The following PLEKHG4B variants were observed in gnomAD, a reference collection of about 807,000 sequenced individuals.
PLEKHG4B encodes pleckstrin homology domain-containing family G member 4B.
PLEKHG4B carries 111 observed loss-of-function variants against 121.3 expected under a neutral mutation model. The ratio of observed to expected loss-of-function variants is 0.92; its 90% CI spans 0.78 to 1.07. PLEKHG4B has a LOEUF of 1.07. Ranked by LOEUF, PLEKHG4B falls within the 50% of genes least tolerant of loss-of-function variation. The pLI, the probability that PLEKHG4B is intolerant of heterozygous loss-of-function variation, is 0.00. For synonymous variants in PLEKHG4B, 738 were observed against 725.0 expected (o/e 1.02, Z -0.29); for missense variants, 1,831 against 1,757.8 (o/e 1.04, Z -0.74).
At position 143,492 on chromosome 5, in the gene PLEKHG4B, TAGCATCCCC is replaced by T. The variant is rs1453535066; in HGVS notation, c.1803_1811del (p.Ser601_Pro603del). 6.2e-7 allele frequency: 1 copy of T among 1,612,616 alleles called. No individual in the cohort carries two copies. On this transcript the variant is annotated inframe_deletion and splice_region_variant, in exon 5 of 20. Transcript: ENST00000637938. The stretch of plus-strand genomic sequence containing the variant: ...TGACCCGCCTGCTGCTGTACTTCCA[TAGCATCCCC>T]AGGTGGGACGGGGGGCAAGGCCGCA...
chr5:148,539 T>C (rs532257642), intron 6 of PLEKHG4B, among the ~76,000 whole-genome samples: 191 of 152,216 alleles, frequency 1.3e-3, no homozygotes, highest in Non-Finnish European at 2.2e-3. Context: ...AAAGACTTTT[T>C]CACTGAAAAC....
chr5:138,770 A>G (rs1356741439), intron 2 of PLEKHG4B, among the ~76,000 whole-genome samples: 1 of 152,250 alleles, frequency 6.6e-6, no homozygotes, highest in Non-Finnish European at 1.5e-5. Context: ...CTAGGCCCCA[A>G]GATGTTTACT....
intron 2 of PLEKHG4B, among the ~76,000 whole-genome samples, chr5:121,731 A>G (rs1560908258): frequency 6.6e-6 from 1 of 152,170 alleles, no homozygotes; most frequent in African/African-American, 2.4e-5. Flanking sequence ...AAAAAATTCT[A>G]TATCCAGCAA....
In PLEKHG4B at chr5:188,733, G is replaced by A. The variant is rs1038886094; in HGVS notation, c.*6410G>A. ...ACGCCCCGTCTGGCTGGGACCTGGA[G>A]CTCCCCTCAAGCTGCAGATCCACTC... On this transcript the variant is annotated 3_prime_UTR_variant, in exon 20 of 20. Transcript: ENST00000637938. 1.3e-5 allele frequency: 2 copies of A among 152,266 alleles called. No homozygotes were observed. Among genetic ancestry groups the A allele is most frequent in the African/African-American group, 4.8e-5 (2 of 41,462 alleles). The allele number at this position is 152,266 out of a possible 1,614,324, so 9.4% of individuals were successfully genotyped here.
At chr5:141,538 G>A (rs944341885) in intron 3 of PLEKHG4B, among the ~76,000 whole-genome samples, 5 of 150,882 alleles carry the variant, frequency 3.3e-5, no homozygotes, top group African/African-American at 7.3e-5. Flanking sequence ...CGCTGGATTC[G>A]GGGCCCCTCT....
chr5:119,792 A>G (rs1051499165), intron 2 of PLEKHG4B, among the ~76,000 whole-genome samples: 2 of 152,236 alleles, frequency 1.3e-5, no homozygotes, highest in African/African-American at 4.8e-5. Flanking sequence ...AGGAGAAATC[A>G]GCAAAATTTA....
At chr5:136,482 G>A (rs998173808) in intron 2 of PLEKHG4B, among the ~76,000 whole-genome samples, 7 of 152,126 alleles carry the variant, frequency 4.6e-5, no homozygotes, top group East Asian at 1.9e-4. Context: ...CAAAAATAAC[G>A]CAAATCAAAA....
intron 7 of PLEKHG4B, among the ~76,000 whole-genome samples, chr5:152,047 A>G (rs1735622055): frequency 6.6e-6 from 1 of 152,134 alleles, no homozygotes; most frequent in Non-Finnish European, 1.5e-5. Flanking sequence ...AAGTGTGTTA[A>G]TTTTCCTTTG....
intron 2 of PLEKHG4B, among the ~76,000 whole-genome samples, chr5:129,496 G>A (rs1344759350): frequency 6.6e-6 from 1 of 152,206 alleles, no homozygotes; most frequent in Admixed American, 6.5e-5. Flanking sequence ...GTCTTTGCCT[G>A]TAACTTCAGT....
intron 14 of PLEKHG4B, among the ~76,000 whole-genome samples, chr5:169,971 C>T (rs1364752595): frequency 6.6e-6 from 1 of 152,176 alleles, no homozygotes; most frequent in Non-Finnish European, 1.5e-5. Flanking sequence ...TCACACGCCC[C>T]CTGCCCCTGG....
intron 19 of PLEKHG4B, 47 bp downstream of exon 19, chr5:181,722 G>A (rs368836927): frequency 1.4e-5 from 22 of 1,584,896 alleles, no homozygotes; most frequent in South Asian, 2.3e-5. Flanking sequence ...GAGGGCACTG[G>A]GCCTGTCATC....
intron 2 of PLEKHG4B, among the ~76,000 whole-genome samples, chr5:121,783 A>G (rs1734477283): frequency 1.3e-5 from 2 of 152,150 alleles, no homozygotes; most frequent in South Asian, 4.1e-4. Flanking sequence ...TTCAAACATG[A>G]AGGCAAAATA....
chr5:163,259 C>T lies in PLEKHG4B; in HGVS notation c.3187C>T (p.Pro1063Ser), dbSNP rs148942541. The T allele has an allele frequency of 1.2e-6, 2 of 1,611,886 alleles. No homozygotes were observed. The highest frequency in any genetic ancestry group is 1.7e-6 in the Non-Finnish European group (2 of 1,179,426). Residue 1063 changes from proline (P) to serine (S), a missense_variant, in exon 13 of 20, where the codon CCC becomes TCC. Transcript: ENST00000637938. ...GGACAGCTCTGCCTGTTCCTCTGAG[C>T]CCACCCAGACCCTGGCCAGCCGCCC... ...LEDSSACSSE[P>S]TQTLASRPRK...
intron 1 of PLEKHG4B, among the ~76,000 whole-genome samples, chr5:95,449 C>T (rs1733603528): frequency 6.6e-6 from 1 of 152,162 alleles, no homozygotes; most frequent in Admixed American, 6.5e-5. Context: ...GGTCTGCATA[C>T]GATGGTCAGA....
chr5:97,776 A>T (rs939393410), intron 1 of PLEKHG4B, among the ~76,000 whole-genome samples: 1 of 152,008 alleles, frequency 6.6e-6, no homozygotes, highest in Non-Finnish European at 1.5e-5. Flanking sequence ...GTGTGTATGT[A>T]TATTTGCATT....
chr5:143,625 C>T (rs1043894034), intron 5 of PLEKHG4B, 122 bp downstream of exon 5: 32 of 1,243,160 alleles, frequency 2.6e-5, no homozygotes, highest in Non-Finnish European at 3.5e-5. Flanking sequence ...CTCCTAACCT[C>T]ATCTTTCAGA....
rs187920406 is a variant in PLEKHG4B at position 150,559 on chromosome 5, A to G, written c.1906-954A>G. ...CATCTGATAAAGGGCTTGTATATAG[A>G]ATATATACGGTCTCAAAACTCAGTA... On this transcript the variant is annotated intron_variant, in intron 6 of 19. Coordinates refer to ENST00000637938, the MANE Select transcript of PLEKHG4B (RefSeq NM_052909.5). Among the ~76,000 whole-genome samples, 198 of 152,350 alleles carry G rather than the reference A, an allele frequency of 1.3e-3. 1 individual carries two copies. The highest frequency in any genetic ancestry group is 3.9e-3 in the Admixed American group (60 of 15,302).
At chr5:161,683 G>A (rs1736006069) in intron 11 of PLEKHG4B, 100 bp from the exon 12 acceptor site, 14 of 1,531,186 alleles carry the variant, frequency 9.1e-6, no homozygotes, top group Admixed American at 5.2e-5. Context: ...TGGGCCGTCC[G>A]AGCCTTGGTG....
Position 157,716 on chromosome 5 carries a change from GTT to G in PLEKHG4B, c.2487+807_2487+808del, listed in dbSNP as rs948785357. On this transcript the variant is annotated intron_variant, in intron 11 of 19. Transcript: ENST00000637938. The surrounding 1 kb of genome is among the most constrained non-coding windows in gnomAD (Gnocchi z 4.6). ...TAAGGGGTGCACACTCAGATAAAAA[GTT>G]TCTTTCTTTTCTCACATATAAACTC... is the stretch of plus-strand genomic sequence containing the variant. 6.6e-6 allele frequency among the ~76,000 whole-genome samples: 1 copy of G among 152,176 alleles called. No homozygotes were observed. The highest frequency in any genetic ancestry group is 1.5e-5 in the Non-Finnish European group (1 of 68,018).
Sources: gnomAD v4.1 joint callset for allele counts (sites outside exome capture counted in the v4.1 genomes callset) on GRCh38, gnomAD v4.1.1 for gene constraint, Gnocchi (gnomAD v3.1) non-coding constraint, MANE v1.5 for transcripts, NCBI Gene and HGNC (gene_info 2026-07-23, HGNC 2026-07-21) for gene names.